THSD7A: variants seen among roughly 807,000 people sequenced by gnomAD.
The protein encoded by THSD7A is thrombospondin type 1 domain containing 7A, also known as thrombospondin type-1 domain-containing protein 7A.
A neutral mutation model predicts 231.3 loss-of-function variants in THSD7A; 96 were observed. That is an observed-to-expected ratio of 0.41 (90% CI 0.35 to 0.49). The LOEUF is 0.49. Among genes scored for constraint, THSD7A ranks in the 20% least tolerant of loss-of-function variants. THSD7A has a pLI of 0.05. For missense variants in THSD7A, 2,290 were observed against 2,070.2 expected (o/e 1.11, Z -2.06); for synonymous variants, 940 against 743.3 (o/e 1.26, Z -4.30).
At chr7:11,452,221 G>C (rs1413760817) in intron 11 of THSD7A, among the ~76,000 whole-genome samples, 4 of 152,000 alleles carry the variant, frequency 2.6e-5, no homozygotes, top group Admixed American at 6.6e-5. Flanking sequence ...GCAATAGCGA[G>C]AATGAATCAT....
At chr7:11,615,458 C>G (rs1346271342) in intron 2 of THSD7A, among the ~76,000 whole-genome samples, 1 of 152,186 alleles carries the variant, frequency 6.6e-6, no homozygotes. Flanking sequence ...ATTCTGCACT[C>G]TGCCTATCCT....
chr7:11,790,833 A>C (rs1269542162), intron 1 of THSD7A, among the ~76,000 whole-genome samples: 1 of 151,960 alleles, frequency 6.6e-6, no homozygotes, highest in African/African-American at 2.4e-5. Context: ...GCAACAGGTT[A>C]TTTTTCTTAA....
intron 1 of THSD7A, among the ~76,000 whole-genome samples, chr7:11,678,686 G>C (rs768151999): frequency 2.6e-5 from 4 of 152,144 alleles, no homozygotes; most frequent in Non-Finnish European, 5.9e-5. Context: ...AACAAGTTCT[G>C]AAATGGGTGT....
At chr7:11,693,807 G>A (rs191553881) in intron 1 of THSD7A, among the ~76,000 whole-genome samples, 47 of 151,578 alleles carry the variant, frequency 3.1e-4, no homozygotes, top group African/African-American at 8.0e-4. Flanking sequence ...TAGCTGTTCC[G>A]ATGATCTAGA....
Position 11,474,287 on chromosome 7 carries a change from T to C in THSD7A, c.2252+47A>G. ...GCCAGTGAAGCCTGAGCCAATCCTC[T>C]GCACAGGTGGCTACACGATTTACTG... is the stretch of plus-strand genomic sequence containing the variant. On this transcript the variant is annotated intron_variant, in intron 8 of 27. Coordinates refer to ENST00000423059, the MANE Select transcript of THSD7A (RefSeq NM_015204.3). The surrounding 1 kb of genome is among the most constrained non-coding windows in gnomAD (Gnocchi z 4.1). 6.6e-7 allele frequency: 1 copy of C among 1,510,828 alleles called. No homozygotes were observed. Among genetic ancestry groups the C allele is most frequent in the Non-Finnish European group, 9.1e-7 (1 of 1,104,228 alleles). 93.6% of individuals were successfully genotyped at this position (1,510,828 alleles called of 1,614,324 possible).
chr7:11,495,300 G>C (rs1455559207), intron 6 of THSD7A, among the ~76,000 whole-genome samples: 1 of 152,006 alleles, frequency 6.6e-6, no homozygotes, highest in East Asian at 1.9e-4. Flanking sequence ...ATGTGGCTCA[G>C]AACAAATGCA....
At chr7:11,722,847 G>A (rs1427372728) in intron 1 of THSD7A, among the ~76,000 whole-genome samples, 1 of 151,932 alleles carries the variant, frequency 6.6e-6, no homozygotes, top group Non-Finnish European at 1.5e-5. Flanking sequence ...GAGAGGATGT[G>A]GAGAAATAGG....
At position 11,375,511 on chromosome 7, in the gene THSD7A, GT is replaced by G. The variant is rs879660765; in HGVS notation, c.*282del. ...CCATTATTTTTTAGAGATGAAAGTG[GT>G]TTTTCAGTCGGTAGATTTCAGAAAA... On this transcript the variant is annotated 3_prime_UTR_variant, in exon 28 of 28. Coordinates refer to ENST00000423059, the MANE Select transcript of THSD7A (RefSeq NM_015204.3). 3 of 258,976 alleles carry G rather than the reference GT, an allele frequency of 1.2e-5. No individual in the cohort carries two copies. The highest frequency in any genetic ancestry group is 2.2e-5 in the Non-Finnish European group (3 of 138,116). 16.0% of individuals were successfully genotyped at this position (258,976 alleles called of 1,614,324 possible).
rs1779948389 is a variant in THSD7A at position 11,684,285 on chromosome 7, CA to C, written c.191-47325del. 4.0e-5 allele frequency among the ~76,000 whole-genome samples: 6 copies of C among 151,234 alleles called. No homozygotes were observed. In the South Asian group the frequency reaches 1.2e-3, roughly 31 times the overall value. On this transcript the variant is annotated intron_variant, in intron 1 of 27. Coordinates refer to ENST00000423059, the MANE Select transcript of THSD7A (RefSeq NM_015204.3). ...AACTCACAGCAAATACCATACTGAA[CA>C]GGCAAAAGTTGGAAGCATTCCTCAT...
intron 1 of THSD7A, among the ~76,000 whole-genome samples, chr7:11,648,352 A>T (rs1782361944): frequency 6.6e-6 from 1 of 151,994 alleles, no homozygotes; most frequent in South Asian, 2.1e-4. Flanking sequence ...GAAATCCCTT[A>T]TGAGCCATGA....
rs772565535 is a variant in THSD7A at position 11,593,430 on chromosome 7, C to T, written c.1095G>A (p.Glu365=). ...TTGAGCAGGGGCTCCACTCTGACCA[C>T]TCGGAAACCTGGCACTCTTTGGTGA... The part of the protein sequence containing the change: ...CVITKECQVS[E]WSEWSPCSKT... Residue 365 remains glutamate, a synonymous_variant, in exon 3 of 28, where the codon GAG becomes GAA. Coordinates refer to ENST00000423059, the MANE Select transcript of THSD7A (RefSeq NM_015204.3). The T allele has an allele frequency of 3.7e-6, 6 of 1,613,914 alleles. No homozygotes were observed. Among genetic ancestry groups the T allele is most frequent in the Non-Finnish European group, 8.5e-7 (1 of 1,179,918 alleles).
rs73059870 is a variant in THSD7A, at chr7:11,581,129, A to G, written c.1453+9331T>C. ...GCAAGTGTGTGTTCCCAACATACAC[A>G]TTTAATCTTTGAAGCAACCAAATAA... is the stretch of plus-strand genomic sequence containing the variant. On this transcript the variant is annotated intron_variant, in intron 4 of 27. Transcript: ENST00000423059. Among the ~76,000 whole-genome samples, 1,144 of 152,228 alleles carry G rather than the reference A, an allele frequency of 7.5e-3. 13 individuals carry two copies. The highest frequency in any genetic ancestry group is 0.012 in the Non-Finnish European group (801 of 67,976).
chr7:11,796,505 T>A (rs893148341), intron 1 of THSD7A, among the ~76,000 whole-genome samples: 11 of 152,014 alleles, frequency 7.2e-5, no homozygotes, highest in Non-Finnish European at 1.6e-4. Context: ...AATATTAAAA[T>A]TTCCATCCAG....
chr7:11,565,470 A>G (rs1790269051), intron 4 of THSD7A, among the ~76,000 whole-genome samples: 1 of 152,232 alleles, frequency 6.6e-6, no homozygotes, highest in Admixed American at 6.5e-5. Context: ...GTGCAGGGCA[A>G]GGAACACAAG....
chr7:11,591,323 C>A (rs545627989), intron 3 of THSD7A, among the ~76,000 whole-genome samples: 102 of 151,826 alleles, frequency 6.7e-4, no homozygotes, highest in Non-Finnish European at 1.3e-3. Context: ...GATTGTCAGT[C>A]CAACACGTGA....
chr7:11,747,400 T>A (rs1583252775), intron 1 of THSD7A, among the ~76,000 whole-genome samples: 1 of 151,952 alleles, frequency 6.6e-6, no homozygotes, highest in East Asian at 1.9e-4. Context: ...GAGTTTAAAT[T>A]GAAAATAAAG....
intron 1 of THSD7A, among the ~76,000 whole-genome samples, chr7:11,638,065 C>T (rs1281018896): frequency 6.6e-6 from 1 of 152,128 alleles, no homozygotes; most frequent in African/African-American, 2.4e-5. Flanking sequence ...GGCTCTAGTG[C>T]CCCTCACACC....
chr7:11,683,377 C>T (rs991693668), intron 1 of THSD7A, among the ~76,000 whole-genome samples: 1 of 151,660 alleles, frequency 6.6e-6, no homozygotes, highest in Non-Finnish European at 1.5e-5. Context: ...TAACTACAAT[C>T]AGAGCAGAAC....
At chr7:11,761,387 C>T (rs1265582595) in intron 1 of THSD7A, among the ~76,000 whole-genome samples, 2 of 152,078 alleles carry the variant, frequency 1.3e-5, no homozygotes, top group Non-Finnish European at 2.9e-5. Context: ...AATAGAATCA[C>T]TTATACAGTA....
Sources: gnomAD v4.1 joint callset for allele counts (sites outside exome capture counted in the v4.1 genomes callset) on GRCh38, gnomAD v4.1.1 for gene constraint, Gnocchi (gnomAD v3.1) non-coding constraint, MANE v1.5 for transcripts, NCBI Gene and HGNC (gene_info 2026-07-23, HGNC 2026-07-21) for gene names.